SYT14: variants seen among roughly 807,000 people sequenced by gnomAD.
SYT14 encodes synaptotagmin 14.
In SYT14, 32 loss-of-function variants were observed where a neutral mutation model predicts 74.2. That is an observed-to-expected ratio of 0.43 (90% CI 0.33 to 0.58). The LOEUF is 0.58. Ranked by LOEUF, SYT14 falls within the 20% of genes least tolerant of loss-of-function variation. SYT14 has a pLI of 0.05. For synonymous variants in SYT14, 298 were observed against 337.7 expected, an observed-to-expected ratio of 0.88 and a Z score of 1.29; for missense variants, 791 against 981.8, an observed-to-expected ratio of 0.81 and a Z score of 2.60.
At chr1:210,137,118 T>G (rs1476958998) in intron 7 of SYT14, among the ~76,000 whole-genome samples, 1 of 152,190 alleles carries the variant, frequency 6.6e-6, no homozygotes, top group Non-Finnish European at 1.5e-5. Flanking sequence ...TGTCAGTGTT[T>G]GGGCAGATTT....
intron 8 of SYT14, chr1:210,156,793 A>G (rs896606928): frequency 4.5e-6 from 1 of 222,406 alleles, no homozygotes; most frequent in Non-Finnish European, 1.0e-5. Flanking sequence ...TCCAGGTTCA[A>G]GTGATCCTCC....
intron 5 of SYT14, among the ~76,000 whole-genome samples, chr1:210,077,886 CAAAG>C (rs1193612603): frequency 6.6e-6 from 1 of 151,982 alleles, no homozygotes; most frequent in Non-Finnish European, 1.5e-5. Context: ...AATGGTGCCA[CAAAG>C]GAAGGGATTG....
chr1:210,056,750 C>T (rs941448251), intron 5 of SYT14, among the ~76,000 whole-genome samples: 1 of 151,306 alleles, frequency 6.6e-6, no homozygotes, highest in Non-Finnish European at 1.5e-5. Context: ...CACGCCACTG[C>T]ACTCCAGCCT....
chr1:210,135,741 G>T (rs2102653606), intron 7 of SYT14, among the ~76,000 whole-genome samples: 1 of 152,234 alleles, frequency 6.6e-6, no homozygotes, highest in African/African-American at 2.4e-5. Flanking sequence ...GATGCAATCA[G>T]GCAACTTGAA....
At chr1:210,140,446 C>T (rs2082890898) in intron 7 of SYT14, among the ~76,000 whole-genome samples, 1 of 152,006 alleles carries the variant, frequency 6.6e-6, no homozygotes, top group Non-Finnish European at 1.5e-5. Context: ...ATAATATTTC[C>T]TCCTATTCTG....
chr1:210,127,779 A>C (rs1354252730), intron 7 of SYT14, among the ~76,000 whole-genome samples: 1 of 152,144 alleles, frequency 6.6e-6, no homozygotes, highest in East Asian at 1.9e-4. Context: ...TAATCCCAGC[A>C]CTTTGGGAGG....
At chr1:210,138,657 C>T (rs569747694) in intron 7 of SYT14, among the ~76,000 whole-genome samples, 8 of 152,274 alleles carry the variant, frequency 5.3e-5, no homozygotes, top group Admixed American at 2.6e-4. Flanking sequence ...ACATCACAGT[C>T]ACTGCTTTTT....
chr1:209,974,329 G>A (rs540620009), intron 2 of SYT14, among the ~76,000 whole-genome samples: 1 of 152,190 alleles, frequency 6.6e-6, no homozygotes, highest in South Asian at 2.1e-4. Flanking sequence ...TTCTTCTAGG[G>A]TTTTTATGGT....
At chr1:210,061,927 T>C (rs944325084) in intron 5 of SYT14, among the ~76,000 whole-genome samples, 2 of 151,888 alleles carry the variant, frequency 1.3e-5, no homozygotes, top group African/African-American at 4.8e-5. Context: ...AAGACTACTG[T>C]AGTTGCCTTA....
intron 2 of SYT14, among the ~76,000 whole-genome samples, chr1:210,006,659 G>C (rs2079992936): frequency 6.6e-6 from 1 of 151,844 alleles, no homozygotes; most frequent in South Asian, 2.1e-4. Flanking sequence ...CAAATTGTAA[G>C]TTGTTACTTT....
exon 10 of SYT14, chr1:210,167,052 T>C (rs1408339564): frequency 6.6e-6 from 1 of 152,212 alleles, no homozygotes; most frequent in Admixed American, 6.5e-5. Flanking sequence ...CTTCCAAAAA[T>C]TCCTTTCTAT....
At chr1:210,049,770 T>C (rs983385390) in intron 5 of SYT14, among the ~76,000 whole-genome samples, 3 of 152,324 alleles carry the variant, frequency 2.0e-5, no homozygotes, top group African/African-American at 7.2e-5. Flanking sequence ...CCAGGGGTTG[T>C]GGCTTGCACC....
intron 7 of SYT14, among the ~76,000 whole-genome samples, chr1:210,153,103 A>G (rs996930602): frequency 6.6e-6 from 1 of 152,122 alleles, no homozygotes; most frequent in African/African-American, 2.4e-5. Context: ...TAAACACTGC[A>G]CTTATTTCTG....
chr1:209,982,305 G>A (rs2079501222), intron 2 of SYT14, among the ~76,000 whole-genome samples: 1 of 152,116 alleles, frequency 6.6e-6, no homozygotes, highest in South Asian at 2.1e-4. Flanking sequence ...ACAGGCATGT[G>A]CCACCGTGGC....
intron 2 of SYT14, among the ~76,000 whole-genome samples, chr1:209,960,960 G>T (rs2079067213): frequency 6.6e-6 from 1 of 152,174 alleles, no homozygotes; most frequent in African/African-American, 2.4e-5. Flanking sequence ...TGAACTTGGT[G>T]CTGCTTTTCC....
chr1:210,056,035 C>T (rs770618686), intron 5 of SYT14, among the ~76,000 whole-genome samples: 4 of 151,810 alleles, frequency 2.6e-5, no homozygotes, highest in Non-Finnish European at 4.4e-5. Flanking sequence ...AGATTTAAAA[C>T]TCTGTAATTA....
intron 2 of SYT14, among the ~76,000 whole-genome samples, chr1:210,011,045 T>A (rs924816581): frequency 2.6e-5 from 4 of 152,216 alleles, no homozygotes; most frequent in African/African-American, 9.6e-5. Flanking sequence ...TTTCATTTAG[T>A]TTTCCAAGAC....
At chr1:210,098,314 C>T (rs1415684533) in intron 6 of SYT14, among the ~76,000 whole-genome samples, 1 of 152,050 alleles carries the variant, frequency 6.6e-6, no homozygotes, top group Non-Finnish European at 1.5e-5. Context: ...ACAAAAAGAC[C>T]CCTAGCCCCC....
In SYT14 at chr1:209,984,468, A is replaced by G. The variant is rs188539891; in HGVS notation, c.-485-29165A>G. Among the ~76,000 whole-genome samples, 24 of 152,010 alleles carry G rather than the reference A, an allele frequency of 1.6e-4. 1 individual carries two copies. In the East Asian group the frequency reaches 4.6e-3, roughly 29 times the overall value. On this transcript the variant is annotated intron_variant, in intron 2 of 9. Transcript: ENST00000637265. ...TACCCTTGAAGCTTCCTTCTCCCTC[A>G]TTTTCTGTGATGTCATTCTCTCTTA...
Sources: gnomAD v4.1 joint callset for allele counts (sites outside exome capture counted in the v4.1 genomes callset) on GRCh38, gnomAD v4.1.1 for gene constraint, MANE v1.5 for transcripts, NCBI Gene and HGNC (gene_info 2026-07-23, HGNC 2026-07-21) for gene names.